PID1: variants seen among roughly 807,000 people sequenced by gnomAD.
PID1 encodes the protein PTB-containing, cubilin and LRP1-interacting protein.
Under a neutral mutation model 19.1 loss-of-function variants are expected in PID1, and 10 were observed. The observed-to-expected ratio is 0.52, with a 90% CI of 0.32 to 0.89. The LOEUF (loss-of-function observed/expected upper bound fraction) is 0.89. Ranked by LOEUF, PID1 falls within the 40% of genes least tolerant of loss-of-function variation. The probability of loss-of-function intolerance (pLI) is 0.03; values close to 1 mark genes in which losing one functional copy is unlikely to be tolerated. For missense variants in PID1, 248 were observed against 285.3 expected, an observed-to-expected ratio of 0.87 and a Z score of 0.94; for synonymous variants, 130 against 116.0, an observed-to-expected ratio of 1.12 and a Z score of -0.78.
intron 2 of PID1, among the ~76,000 whole-genome samples, chr2:229,043,371 T>C (rs1034768935): frequency 6.6e-6 from 1 of 152,124 alleles, no homozygotes; most frequent in African/African-American, 2.4e-5. Flanking sequence ...AAAGTACTGA[T>C]AATATAGAGG....
chr2:229,260,331 G>A (rs1690423792), intron 1 of PID1, among the ~76,000 whole-genome samples: 1 of 151,950 alleles, frequency 6.6e-6, no homozygotes, highest in South Asian at 2.1e-4. Flanking sequence ...ATGGGGGAAT[G>A]AGTAAATAAA....
intron 1 of PID1, among the ~76,000 whole-genome samples, chr2:229,219,672 G>A (rs1461635275): frequency 6.6e-6 from 1 of 150,808 alleles, no homozygotes; most frequent in Admixed American, 6.6e-5. Flanking sequence ...TAGCTAGGAG[G>A]ACTACAGGTG....
chr2:229,056,624 T>TATATAG (rs1265791795), intron 2 of PID1, among the ~76,000 whole-genome samples: 118 of 150,254 alleles, frequency 7.9e-4, no homozygotes, highest in South Asian at 1.5e-3. Flanking sequence ...TATATATATA[T>TATATAG]ATATTTCTCT....
chr2:229,075,702 A>G (rs1694543966), intron 2 of PID1, among the ~76,000 whole-genome samples: 1 of 152,176 alleles, frequency 6.6e-6, no homozygotes, highest in South Asian at 2.1e-4. Context: ...ACTTTCTCTG[A>G]TGTTTTCCTC....
rs754058712 is a variant in PID1 at position 229,135,323 on chromosome 2, G to C, written c.177+20495C>G. Among the ~76,000 whole-genome samples the C allele has an allele frequency of 2.0e-5, 3 of 152,234 alleles. No homozygotes were observed. The East Asian group carries it at 5.8e-4, about 29-fold the overall frequency. ...TTCTTCCTGTGACTAGCATGCATTCGTGAAATGGCATGTAAAAGTAAAGTG... is the reference window on the plus strand; with the variant it reads ...TTCTTCCTGTGACTAGCATGCATTCCTGAAATGGCATGTAAAAGTAAAGTG... On this transcript the variant is annotated intron_variant, in intron 2 of 2. Transcript: ENST00000392055.
intron 2 of PID1, among the ~76,000 whole-genome samples, chr2:229,101,779 C>T (rs557912408): frequency 6.6e-6 from 1 of 152,288 alleles, no homozygotes; most frequent in African/African-American, 2.4e-5. Context: ...TAGTCTCAAA[C>T]TCGGGCATTT....
chr2:229,170,584 A>G (rs954306938), intron 1 of PID1, among the ~76,000 whole-genome samples: 1 of 152,058 alleles, frequency 6.6e-6, no homozygotes, highest in Non-Finnish European at 1.5e-5. Context: ...ATTGAATATA[A>G]TTTTTTTCTC....
intron 1 of PID1, among the ~76,000 whole-genome samples, chr2:229,270,290 C>A (rs1341525779): frequency 6.6e-6 from 1 of 152,212 alleles, no homozygotes; most frequent in Non-Finnish European, 1.5e-5. Flanking sequence ...CAAGGCCCAA[C>A]GTGTCACTGA....
At chr2:229,168,431 G>A (rs1326047375) in intron 1 of PID1, among the ~76,000 whole-genome samples, 1 of 151,688 alleles carries the variant, frequency 6.6e-6, no homozygotes, top group South Asian at 2.1e-4. Flanking sequence ...TTTTCCTCTG[G>A]CTGTGCTGAA....
intron 1 of PID1, among the ~76,000 whole-genome samples, chr2:229,248,724 T>C (rs1298837239): frequency 6.6e-6 from 1 of 152,248 alleles, no homozygotes; most frequent in Non-Finnish European, 1.5e-5. Flanking sequence ...CTTATTCCTT[T>C]GTTTAAATCA....
intron 2 of PID1, among the ~76,000 whole-genome samples, chr2:229,120,193 G>C (rs994225329): frequency 6.6e-6 from 1 of 152,108 alleles, no homozygotes; most frequent in Non-Finnish European, 1.5e-5. Flanking sequence ...GGAATGGCAA[G>C]CCCCCATGCA....
chr2:229,208,823 G>A (rs1199087028), intron 1 of PID1, among the ~76,000 whole-genome samples: 1 of 152,210 alleles, frequency 6.6e-6, no homozygotes, highest in East Asian at 1.9e-4. Context: ...ACAGGAAAAG[G>A]GAGAGAAAGG....
chr2:229,054,078 T>C (rs1694047317), intron 2 of PID1, among the ~76,000 whole-genome samples: 1 of 146,300 alleles, frequency 6.8e-6, no homozygotes, highest in Non-Finnish European at 1.5e-5. Flanking sequence ...CATAATGCTA[T>C]TAGGCAGGGT....
At chr2:229,257,812 T>A (rs1038240797) in intron 1 of PID1, among the ~76,000 whole-genome samples, 1 of 152,224 alleles carries the variant, frequency 6.6e-6, no homozygotes, top group Non-Finnish European at 1.5e-5. Flanking sequence ...ACTAGTGAAG[T>A]TATTCCATCC....
chr2:229,228,851 C>T (rs918158422), intron 1 of PID1, among the ~76,000 whole-genome samples: 1 of 152,186 alleles, frequency 6.6e-6, no homozygotes, highest in Non-Finnish European at 1.5e-5. Context: ...ATAAGAGATA[C>T]TTCTAGCTTA....
At chr2:229,084,375 TG>T (rs1694724521) in intron 2 of PID1, among the ~76,000 whole-genome samples, 1 of 152,214 alleles carries the variant, frequency 6.6e-6, no homozygotes, top group African/African-American at 2.4e-5. Flanking sequence ...ATACTTTAAT[TG>T]TTCCTTATGC....
chr2:229,268,347 A>G (rs1436098189), intron 1 of PID1, among the ~76,000 whole-genome samples: 1 of 152,202 alleles, frequency 6.6e-6, no homozygotes, highest in African/African-American at 2.4e-5. Flanking sequence ...TACACTCAAA[A>G]GTCCATTATT....
rs528229006 is a variant in PID1, at chr2:229,120,062, G to A, written c.177+35756C>T. On this transcript the variant is annotated intron_variant, in intron 2 of 2. Transcript: ENST00000392055. ...TTCTACAGGTCACAGACAGCAGACC[G>A]TGGGACTTAGCCTCCATAATCATGT... Among the ~76,000 whole-genome samples the A allele has an allele frequency of 2.0e-4, 30 of 152,206 alleles. 1 individual carries two copies. Among genetic ancestry groups the A allele is most frequent in the African/African-American group, 6.7e-4 (28 of 41,524 alleles).
chr2:229,040,558 G>C (rs1693752351), intron 2 of PID1, among the ~76,000 whole-genome samples: 2 of 152,110 alleles, frequency 1.3e-5, no homozygotes, highest in Admixed American at 6.6e-5. Context: ...GTATAGTTGT[G>C]ACTTGCAGAA....
Sources: gnomAD v4.1 joint callset for allele counts (sites outside exome capture counted in the v4.1 genomes callset) on GRCh38, gnomAD v4.1.1 for gene constraint, MANE v1.5 for transcripts, NCBI Gene and HGNC (gene_info 2026-07-23, HGNC 2026-07-21) for gene names.